BMPR1A: variants seen among roughly 807,000 people sequenced by gnomAD.
BMPR1A encodes bone morphogenetic protein receptor type 1A.
A neutral mutation model predicts 66.0 loss-of-function variants in BMPR1A; 7 were observed. The observed-to-expected ratio is 0.11, with a 90% CI of 0.06 to 0.20. The LOEUF is 0.20. Among genes scored for constraint, BMPR1A ranks in the 10% least tolerant of loss-of-function variants. The probability of loss-of-function intolerance (pLI) is 1.00; values close to 1 mark genes in which losing one functional copy is unlikely to be tolerated. For missense variants in BMPR1A, 408 were observed against 669.1 expected, an observed-to-expected ratio of 0.61 and a Z score of 4.31; for synonymous variants, 200 against 229.7, an observed-to-expected ratio of 0.87 and a Z score of 1.17.
At chr10:86,815,504 C>T (rs933509257) in intron 1 of BMPR1A, among the ~76,000 whole-genome samples, 2 of 152,066 alleles carry the variant, frequency 1.3e-5, no homozygotes, top group African/African-American at 2.4e-5. Flanking sequence ...TCAAATGTGC[C>T]CACTGTTCGT....
chr10:86,931,300 T>A (rs147820401), downstream of BMPR1A: 4 of 90,686 alleles, frequency 4.4e-5, no homozygotes, highest in Non-Finnish European at 7.7e-5. Flanking sequence ...CACACACACA[T>A]ATATATATAT....
At chr10:86,862,682 C>T (rs1199667088) in intron 2 of BMPR1A, among the ~76,000 whole-genome samples, 1 of 151,730 alleles carries the variant, frequency 6.6e-6, no homozygotes, top group South Asian at 2.1e-4. Context: ...GCAGGTACAA[C>T]CAGTGGATTT....
intron 2 of BMPR1A, among the ~76,000 whole-genome samples, chr10:86,857,067 G>T (rs1564704827): frequency 6.6e-6 from 1 of 152,274 alleles, no homozygotes; most frequent in East Asian, 1.9e-4. Flanking sequence ...AAGCCTACCT[G>T]AGCTATGGTG....
chr10:86,781,857 C>CTTTTT (rs1162095658), intron 1 of BMPR1A, among the ~76,000 whole-genome samples: 87 of 84,218 alleles, frequency 1.0e-3, no homozygotes, highest in Non-Finnish European at 1.0e-3. Context: ...GACAGGATTT[C>CTTTTT]TTTTTTTTTT....
intron 2 of BMPR1A, among the ~76,000 whole-genome samples, chr10:86,840,258 G>A (rs1842407533): frequency 6.6e-6 from 1 of 152,146 alleles, no homozygotes; most frequent in Non-Finnish European, 1.5e-5. Flanking sequence ...GTTAATACTT[G>A]CAGCATTCAC....
intron 2 of BMPR1A, among the ~76,000 whole-genome samples, chr10:86,845,359 T>C (rs1479936124): frequency 6.7e-6 from 1 of 149,062 alleles, no homozygotes; most frequent in African/African-American, 2.4e-5. Flanking sequence ...ACAGGGAGCC[T>C]GAGACATGCA....
intron 5 of BMPR1A, 79 bp downstream of exon 5, chr10:86,892,308 G>A (rs1216919411): frequency 8.9e-7 from 1 of 1,128,770 alleles, no homozygotes; most frequent in Non-Finnish European, 1.3e-6. Context: ...GGAGAAACAT[G>A]CCTGGTGTAC....
intron 1 of BMPR1A, among the ~76,000 whole-genome samples, chr10:86,789,933 G>C (rs934951836): frequency 6.6e-5 from 10 of 150,592 alleles, no homozygotes; most frequent in African/African-American, 9.8e-5. Context: ...GAGGAGGGCA[G>C]ATCATGAGGT....
At chr10:86,888,811 C>T (rs1342844956) in intron 3 of BMPR1A, among the ~76,000 whole-genome samples, 1 of 133,266 alleles carries the variant, frequency 7.5e-6, no homozygotes, top group Non-Finnish European at 1.5e-5. Context: ...TGGGCAATAG[C>T]GTGAGACCAT....
chr10:86,879,066 AAC>A (rs1347775181), intron 3 of BMPR1A, among the ~76,000 whole-genome samples: 2 of 152,196 alleles, frequency 1.3e-5, no homozygotes, highest in African/African-American at 4.8e-5. Context: ...AGCATGTAGT[AAC>A]ACACAGGAAG....
chr10:86,912,303 A>G lies in BMPR1A; in HGVS notation c.594A>G (p.Ala198=), dbSNP rs369860867. The G allele has an allele frequency of 3.7e-6, 6 of 1,614,036 alleles. No individual in the cohort carries two copies. The highest frequency in any genetic ancestry group is 1.1e-5 in the South Asian group (1 of 91,080). ...RYNRDLEQDE[A]FIPVGESLKD... is the part of the protein sequence containing the mutation. ...ATCGTGATTTGGAACAGGATGAAGC[A>G]TTTATTCCAGTTGGAGAATCACTAA... Residue 198 remains alanine, a synonymous_variant, in exon 8 of 13, where the codon GCA becomes GCG. Coordinates refer to ENST00000372037, the MANE Select transcript of BMPR1A (RefSeq NM_004329.3).
At chr10:86,886,853 T>G (rs1376413788) in intron 3 of BMPR1A, among the ~76,000 whole-genome samples, 1 of 123,012 alleles carries the variant, frequency 8.1e-6, no homozygotes. Context: ...TTTTTTGAGA[T>G]GGATTTTCGC....
intron 1 of BMPR1A, among the ~76,000 whole-genome samples, chr10:86,766,103 C>T (rs1446663389): frequency 6.6e-6 from 1 of 150,992 alleles, no homozygotes; most frequent in Non-Finnish European, 1.5e-5. Context: ...CCTCCCATCT[C>T]AGCCTCCTGA....
intron 2 of BMPR1A, among the ~76,000 whole-genome samples, chr10:86,859,971 A>G (rs1026885540): frequency 6.6e-6 from 1 of 152,228 alleles, no homozygotes; most frequent in Admixed American, 6.5e-5. Flanking sequence ...AAGTTTATTT[A>G]TTGCCGCATT....
chr10:86,923,284 T>TA, intron 11 of BMPR1A, 92 bp from the exon 12 acceptor site: 1 of 1,544,390 alleles, frequency 6.5e-7, no homozygotes, highest in Non-Finnish European at 8.9e-7. Context: ...AGAATCCGTT[T>TA]TAGTTCCATA....
chr10:86,823,240 C>T (rs989773014), intron 1 of BMPR1A, among the ~76,000 whole-genome samples: 3 of 152,196 alleles, frequency 2.0e-5, no homozygotes, highest in Non-Finnish European at 2.9e-5. Context: ...CCCGTATAAA[C>T]TTCTAATTAC....
chr10:86,913,289 A>T (rs1053511536), intron 8 of BMPR1A, among the ~76,000 whole-genome samples: 1 of 119,076 alleles, frequency 8.4e-6, no homozygotes, highest in Non-Finnish European at 1.7e-5. Flanking sequence ...CACCAGGCTA[A>T]TTTTTTTTTT....
chr10:86,759,202 C>T (rs533620318), intron 1 of BMPR1A, among the ~76,000 whole-genome samples: 26 of 152,256 alleles, frequency 1.7e-4, no homozygotes, highest in African/African-American at 4.6e-4. Context: ...TGAAGAGGGG[C>T]CTTTTGTGAC....
chr10:86,905,926 G>T (rs1312107576), intron 7 of BMPR1A, among the ~76,000 whole-genome samples: 2 of 151,892 alleles, frequency 1.3e-5, no homozygotes, highest in Non-Finnish European at 2.9e-5. Flanking sequence ...AAGAAAAAAT[G>T]CCCTATATGT....
Sources: gnomAD v4.1 joint callset for allele counts (sites outside exome capture counted in the v4.1 genomes callset) on GRCh38, gnomAD v4.1.1 for gene constraint, MANE v1.5 for transcripts, NCBI Gene and HGNC (gene_info 2026-07-23, HGNC 2026-07-21) for gene names.